RERE: variants seen among roughly 807,000 people sequenced by gnomAD.
RERE encodes arginine-glutamic acid dipeptide repeats.
A neutral mutation model predicts 146.1 loss-of-function variants in RERE; 40 were observed. The ratio of observed to expected loss-of-function variants is 0.27; its 90% CI spans 0.21 to 0.36. The LOEUF (loss-of-function observed/expected upper bound fraction) is 0.36. Ranked by LOEUF, RERE falls within the 10% of genes least tolerant of loss-of-function variation. The pLI is 1.00. For synonymous variants in RERE, 1,003 were observed against 866.0 expected (o/e 1.16, Z -2.78); for missense variants, 1,933 against 2,138.7 (o/e 0.90, Z 1.90).
At chr1:8,599,038 G>A (rs1337047036) in intron 4 of RERE, among the ~76,000 whole-genome samples, 1 of 152,218 alleles carries the variant, frequency 6.6e-6, no homozygotes, top group Non-Finnish European at 1.5e-5. Flanking sequence ...CACTGCCCAT[G>A]ACAGGACCTC....
At position 8,355,473 on chromosome 1, in the gene RERE, T is replaced by C. The variant is rs1187612252; in HGVS notation, c.4613A>G (p.His1538Arg). Reference protein sequence around the residue: ...QRLAMEQQWLHGHPHMHGGHL... With the variant: ...QRLAMEQQWLRGHPHMHGGHL... ...GCCACCATGCATGTGGGGGTGTCCA[T>C]GCAGCCACTGCTGCTCCATGGCCAG... is the stretch of plus-strand genomic sequence containing the variant. Residue 1538 changes from histidine to arginine, a missense_variant, in exon 22 of 23, where the codon CAT (histidine) becomes CGT (arginine). Transcript: ENST00000400908. 3.1e-6 allele frequency: 5 copies of C among 1,612,664 alleles called. No individual in the cohort carries two copies. Among genetic ancestry groups the C allele is most frequent in the East Asian group, 2.2e-5 (1 of 44,878 alleles).
intron 1 of RERE, among the ~76,000 whole-genome samples, chr1:8,813,382 C>T (rs1641849796): frequency 6.6e-6 from 1 of 152,112 alleles, no homozygotes. Flanking sequence ...GTATGTCCAA[C>T]TTATTTTACT....
chr1:8,540,740 T>C (rs1321528588), intron 7 of RERE, among the ~76,000 whole-genome samples: 1 of 152,202 alleles, frequency 6.6e-6, no homozygotes, highest in East Asian at 1.9e-4. Context: ...CTCATACTAG[T>C]AGTCTTACTA....
At chr1:8,583,376 C>A (rs907295544) in intron 4 of RERE, among the ~76,000 whole-genome samples, 2 of 152,198 alleles carry the variant, frequency 1.3e-5, no homozygotes, top group African/African-American at 4.8e-5. Flanking sequence ...ATATGAGCAT[C>A]TGCACGAGAG....
At chr1:8,433,553 CTTTTTT>C (rs35096712) in intron 11 of RERE, among the ~76,000 whole-genome samples, 3 of 130,214 alleles carry the variant, frequency 2.3e-5, no homozygotes, top group African/African-American at 5.9e-5. Context: ...CCATTCATTT[CTTTTTT>C]TTTTTTTTTT....
chr1:8,709,815 A>T (rs1178560231), intron 1 of RERE, among the ~76,000 whole-genome samples: 1 of 152,184 alleles, frequency 6.6e-6, no homozygotes, highest in Non-Finnish European at 1.5e-5. Flanking sequence ...TCTACACTGA[A>T]GGAATCCCTA....
At chr1:8,728,322 T>C (rs970398962) in intron 1 of RERE, among the ~76,000 whole-genome samples, 16 of 152,228 alleles carry the variant, frequency 1.1e-4, no homozygotes, top group Admixed American at 7.9e-4. Flanking sequence ...AAACTTTCTA[T>C]CATTCTTTAT....
In RERE at chr1:8,516,227, G is replaced by GGAAAAAAAAAAAAAA. The variant is rs573135224; in HGVS notation, c.831-7553_831-7552insTTTTTTTTTTTTTTC. ...GGGACGGAGCAAGACTCTCTCAGAG[G>GGAAAAAAAAAAAAAA]AAAAAAAAAAAAAAAAAAAAAATCT... On this transcript the variant is annotated intron_variant, in intron 7 of 22. Transcript: ENST00000400908. 4.2e-4 allele frequency among the ~76,000 whole-genome samples: 22 copies of GGAAAAAAAAAAAAAA among 52,302 alleles called. 5 individuals are homozygous for GGAAAAAAAAAAAAAA. The highest frequency in any genetic ancestry group is 1.8e-3 in the African/African-American group (21 of 11,624). 34.3% of individuals were successfully genotyped at this position (52,302 alleles called of 152,430 possible). A position where few individuals can be genotyped will look rare whatever the true frequency, so the allele number is the denominator to read the frequency against.
At chr1:8,683,307 A>T (rs917508778) in intron 1 of RERE, among the ~76,000 whole-genome samples, 2 of 152,078 alleles carry the variant, frequency 1.3e-5, no homozygotes, top group Non-Finnish European at 1.5e-5. Flanking sequence ...CTCCCTCCAG[A>T]CTTGTTCCTT....
intron 1 of RERE, among the ~76,000 whole-genome samples, chr1:8,730,319 C>A (rs1640054208): frequency 6.6e-6 from 1 of 152,074 alleles, no homozygotes; most frequent in Admixed American, 6.6e-5. Flanking sequence ...GTAATTTCCC[C>A]CATTTGTTTT....
At chr1:8,715,471 A>G (rs1288367573) in intron 1 of RERE, among the ~76,000 whole-genome samples, 1 of 152,054 alleles carries the variant, frequency 6.6e-6, no homozygotes, top group Non-Finnish European at 1.5e-5. Context: ...AGATTGCACC[A>G]TTGCATTCCA....
intron 6 of RERE, among the ~76,000 whole-genome samples, chr1:8,542,695 G>A (rs1645813671): frequency 6.6e-6 from 1 of 151,956 alleles, no homozygotes; most frequent in African/African-American, 2.4e-5. Context: ...TTTGTAGATG[G>A]GAGTCTCACT....
At chr1:8,490,981 G>T (rs1644972706) in intron 10 of RERE, among the ~76,000 whole-genome samples, 1 of 150,572 alleles carries the variant, frequency 6.6e-6, no homozygotes. Flanking sequence ...ACCTCAATAA[G>T]TTGTTTCAAA....
chr1:8,385,109 G>A (rs1642591817), intron 12 of RERE, among the ~76,000 whole-genome samples: 1 of 152,162 alleles, frequency 6.6e-6, no homozygotes. Flanking sequence ...ATGGCCTTGG[G>A]TCTATGCTGT....
At chr1:8,690,211 T>C (rs1190479303) in intron 1 of RERE, among the ~76,000 whole-genome samples, 2 of 152,208 alleles carry the variant, frequency 1.3e-5, no homozygotes, top group East Asian at 3.8e-4. Context: ...GCTCTCTTCC[T>C]AGCTTGCAAA....
chr1:8,724,139 C>A (rs1379813154), intron 1 of RERE, among the ~76,000 whole-genome samples: 1 of 152,142 alleles, frequency 6.6e-6, no homozygotes, highest in Non-Finnish European at 1.5e-5. Flanking sequence ...TCATTTATAT[C>A]ATGTAACATA....
intron 7 of RERE, among the ~76,000 whole-genome samples, chr1:8,509,430 A>ATCCGTCCG (rs1204405208): frequency 1.5e-3 from 133 of 87,302 alleles, no homozygotes; most frequent in African/African-American, 3.8e-3. Flanking sequence ...CCATCCATCC[A>ATCCGTCCG]TCCATCCGTC....
At chr1:8,482,681 CAAAAAAAAAAA>C (rs35501735) in intron 10 of RERE, among the ~76,000 whole-genome samples, 83 of 51,232 alleles carry the variant, frequency 1.6e-3, no homozygotes, top group South Asian at 0.01. Flanking sequence ...GATTCTGTTG[CAAAAAAAAAAA>C]AAAAAAAAAA....
chr1:8,422,625 A>G (rs1643926249), intron 12 of RERE, 102 bp downstream of exon 12: 1 of 842,146 alleles, frequency 1.2e-6, no homozygotes, highest in African/African-American at 1.7e-5. Flanking sequence ...GAGTCTGAGC[A>G]CAGCGCAGGG....
Sources: allele counts gnomAD v4.1 joint callset (sites outside exome capture counted in the v4.1 genomes callset), GRCh38; gene constraint gnomAD v4.1.1; transcripts MANE v1.5; gene names NCBI Gene and HGNC (gene_info 2026-07-23, HGNC 2026-07-21).